EXPH5: variants seen among roughly 807,000 people sequenced by gnomAD.
The protein encoded by EXPH5 is exophilin-5.
In EXPH5, 42 loss-of-function variants were observed where a neutral mutation model predicts 41.1. The observed-to-expected ratio is 1.02, with a 90% confidence interval of 0.80 to 1.32. The LOEUF (loss-of-function observed/expected upper bound fraction) is 1.32. Among genes scored for constraint, EXPH5 ranks in the 40% most tolerant of loss-of-function variants. The pLI is 0.00. For synonymous variants in EXPH5, 798 were observed against 833.5 expected, an observed-to-expected ratio of 0.96 and a Z score of 0.73; for missense variants, 2,298 against 2,314.5, an observed-to-expected ratio of 0.99 and a Z score of 0.15.
chr11:108,581,826 A>G (rs2094099169), intron 1 of EXPH5, among the ~76,000 whole-genome samples: 1 of 152,176 alleles, frequency 6.6e-6, no homozygotes, highest in African/African-American at 2.4e-5. Flanking sequence ...CTATTCCTAC[A>G]TAATATTCAG....
Position 108,512,576 on chromosome 11 carries a change from C to T in EXPH5, c.2931G>A (p.Arg977=), listed in dbSNP as rs116292328. The change falls in exon 6 of 6, where the codon AGG becomes AGA. Residue 977 remains arginine, a synonymous_variant. Transcript: ENST00000265843. The stretch of plus-strand genomic sequence containing the variant: ...ACTTTTCAATACAGGATATATGATG[C>T]CTTATTTTTCCTTTTCCTCTTTCAT... The part of the protein sequence containing the change: ...FRNERGKGKI[R]HHISCIEKLS... The T allele has an allele frequency of 3.7e-4, 595 of 1,612,114 alleles. 4 individuals are homozygous for T. The East Asian group carries it at 0.011, about 29-fold the overall frequency.
chr11:108,549,964 C>T (rs1034634530), intron 1 of EXPH5, among the ~76,000 whole-genome samples: 1 of 152,196 alleles, frequency 6.6e-6, no homozygotes, highest in Non-Finnish European at 1.5e-5. Flanking sequence ...CAGGTACAGT[C>T]AACAGCTGGA....
Position 108,528,128 on chromosome 11 carries a change from T to G in EXPH5, c.492+8A>C. The stretch of plus-strand genomic sequence containing the variant: ...CTTAGAGTAACCTGTAGTTATCTGG[T>G]TACTTACCACAGCAGCTCCCCTCAC... On this transcript the variant is annotated splice_region_variant and intron_variant, in intron 4 of 5. Coordinates refer to ENST00000265843, the MANE Select transcript of EXPH5 (RefSeq NM_015065.3). 1 of 1,594,166 alleles carries G rather than the reference T, an allele frequency of 6.3e-7. No individual in the cohort carries two copies. The highest frequency in any genetic ancestry group is 8.6e-7 in the Non-Finnish European group (1 of 1,162,240).
intron 4 of EXPH5, among the ~76,000 whole-genome samples, chr11:108,520,974 C>G (rs1259511297): frequency 6.6e-6 from 1 of 152,130 alleles, no homozygotes; most frequent in African/African-American, 2.4e-5. Context: ...AAACATTATC[C>G]ACCCCATGCC....
At chr11:108,595,010 A>G (rs151154024), upstream of EXPH5, among the ~76,000 whole-genome samples, 25 of 152,336 alleles carry the variant, frequency 1.6e-4, no homozygotes, top group East Asian at 4.2e-3. Context: ...TGTATTAATG[A>G]TCCTGTTTTG....
rs1197091253 is a variant in EXPH5 at position 108,513,342 on chromosome 11, T to C, written c.2165A>G (p.Lys722Arg). 1 of 1,614,028 alleles carries C rather than the reference T, an allele frequency of 6.2e-7. No individual in the cohort carries two copies. Among genetic ancestry groups the C allele is most frequent in the South Asian group, 1.1e-5 (1 of 91,040 alleles). The change falls in exon 6 of 6, where the codon AAG (lysine) becomes AGG (arginine). Residue 722 changes from lysine to arginine, a missense_variant. By Grantham distance (26) the Lys-to-Arg change is conservative. Transcript: ENST00000265843. ...AACAGGTTGGGGTATTTCACCTGCC[T>C]TGTTTGTCTGGTCCATCTTGCTTAG... ...KQLSKMDQTN[K>R]AGEIPQPVSQ...
At chr11:108,575,133 G>C (rs1443986701) in intron 1 of EXPH5, among the ~76,000 whole-genome samples, 1 of 152,220 alleles carries the variant, frequency 6.6e-6, no homozygotes, top group Non-Finnish European at 1.5e-5. Context: ...ATCAAGAAAT[G>C]TGAATAGTAA....
chr11:108,514,557 C>A lies in EXPH5; in HGVS notation c.950G>T (p.Gly317Val). The change falls in exon 6 of 6, where the codon GGC becomes GTC. Residue 317 changes from glycine to valine, a missense_variant. Coordinates refer to ENST00000265843, the MANE Select transcript of EXPH5 (RefSeq NM_015065.3). ...KEDYVQKNTF[G>V]STSLCFDSRQ... is the part of the protein sequence containing the mutation. ...GCTGTCAAAACACAGCGAAGTACTG[C>A]CAAAAGTATTCTTTTGCACATAATC... The A allele has an allele frequency of 1.2e-6, 2 of 1,613,956 alleles. No individual in the cohort carries two copies. The highest frequency in any genetic ancestry group is 1.7e-6 in the Non-Finnish European group (2 of 1,179,936).
intron 1 of EXPH5, among the ~76,000 whole-genome samples, chr11:108,587,918 A>G (rs1372805698): frequency 6.6e-6 from 1 of 152,082 alleles, no homozygotes; most frequent in Non-Finnish European, 1.5e-5. Flanking sequence ...AAGCCTGGCT[A>G]ATTTTTGTAT....
intron 1 of EXPH5, among the ~76,000 whole-genome samples, chr11:108,584,944 A>G (rs1162839971): frequency 6.6e-6 from 1 of 152,220 alleles, no homozygotes; most frequent in East Asian, 1.9e-4. Context: ...CCACAAAGAC[A>G]CAGTAGGAAA....
the EXPH5 span, among the ~76,000 whole-genome samples, chr11:108,601,128 C>T: frequency 6.6e-6 from 1 of 152,154 alleles, no homozygotes; most frequent in Non-Finnish European, 1.5e-5. Flanking sequence ...AACTTGAGTA[C>T]TAATTGAGCA....
intron 1 of EXPH5, among the ~76,000 whole-genome samples, chr11:108,564,561 C>T (rs2094026467): frequency 1.3e-5 from 2 of 152,130 alleles, no homozygotes; most frequent in Non-Finnish European, 2.9e-5. Context: ...TTTTTAGAGT[C>T]ATAATGTTGA....
At chr11:108,526,266 C>T (rs1467901321) in intron 4 of EXPH5, among the ~76,000 whole-genome samples, 1 of 152,094 alleles carries the variant, frequency 6.6e-6, no homozygotes, top group Non-Finnish European at 1.5e-5. Flanking sequence ...GAGCAACAGT[C>T]ACTGGGTTCC....
intron 1 of EXPH5, 131 bp from the exon 2 acceptor site, chr11:108,541,943 C>A (rs2093915234): frequency 4.6e-6 from 3 of 651,570 alleles, no homozygotes; most frequent in East Asian, 3.0e-5. Context: ...AGTGGCACAA[C>A]CTCGTCTCAC....
rs2093675189 is a variant in EXPH5, at chr11:108,510,878, T to A, written c.4629A>T (p.Arg1543Ser). 6.2e-7 allele frequency: 1 copy of A among 1,614,214 alleles called. No homozygotes were observed. Reference sequence around the variant, plus strand: ...TCTCTGTCATATTTGCCTCCTGACTTCTTTGAGGTAATTCTCTTGGTTCAG... The same window carrying A: ...TCTCTGTCATATTTGCCTCCTGACTACTTTGAGGTAATTCTCTTGGTTCAG... ...LQSEPRELPQRSQEANMTESR... is the reference protein window; with the variant it reads ...LQSEPRELPQSSQEANMTESR... Residue 1543 changes from arginine to serine, a missense_variant, in exon 6 of 6, where the codon AGA (arginine) becomes AGT (serine). By Grantham distance (110) the Arg-to-Ser change is moderately radical (BLOSUM62 -1). Transcript: ENST00000265843.
upstream of EXPH5, among the ~76,000 whole-genome samples, chr11:108,596,390 C>T (rs1039233148): frequency 2.0e-5 from 3 of 152,012 alleles, no homozygotes; most frequent in African/African-American, 7.3e-5. Context: ...TTTGATAACT[C>T]ATTAAAAAGG....
chr11:108,528,695 C>CTTTTTTTTTTTTTTT (rs58500316), intron 3 of EXPH5, among the ~76,000 whole-genome samples: 1 of 106,328 alleles, frequency 9.4e-6, no homozygotes, highest in Non-Finnish European at 1.9e-5. Flanking sequence ...TTTTCTTTCC[C>CTTTTTTTTTTTTTTT]TTTTTTTTTT....
chr11:108,551,236 C>A (rs2093963434), intron 1 of EXPH5, among the ~76,000 whole-genome samples: 1 of 152,192 alleles, frequency 6.6e-6, no homozygotes, highest in Admixed American at 6.5e-5. Flanking sequence ...ATCTCATTGT[C>A]TGTGGGTATT....
At chr11:108,550,339 AG>A (rs778374744) in intron 1 of EXPH5, among the ~76,000 whole-genome samples, 1 of 152,188 alleles carries the variant, frequency 6.6e-6, no homozygotes, top group Non-Finnish European at 1.5e-5. Flanking sequence ...ATGTGGGTGA[AG>A]GCATCTTAGA....
Sources: gnomAD v4.1 joint callset for allele counts (sites outside exome capture counted in the v4.1 genomes callset) on GRCh38, gnomAD v4.1.1 for gene constraint, MANE v1.5 for transcripts, NCBI Gene and HGNC (gene_info 2026-07-23, HGNC 2026-07-21) for gene names.